Variants in XCL2 observed in about 807,000 individuals in gnomAD.
The protein encoded by XCL2 is cytokine SCM-1 beta.
A neutral mutation model predicts 7.2 loss-of-function variants in XCL2; 8 were observed. The observed-to-expected ratio is 1.10, with a 90% CI of 0.65 to 1.99. The LOEUF (loss-of-function observed/expected upper bound fraction) is 1.99. Ranked by LOEUF, XCL2 falls within the 30% of genes most tolerant of loss-of-function variation. The pLI is 0.00. For synonymous variants in XCL2, 46 were observed against 54.2 expected, an observed-to-expected ratio of 0.85 and a Z score of 0.67; for missense variants, 131 against 138.6, an observed-to-expected ratio of 0.94 and a Z score of 0.28.
At chr1:168,541,579 G>T (rs1654284432) in intron 2 of XCL2, among the ~76,000 whole-genome samples, 1 of 152,098 alleles carries the variant, frequency 6.6e-6, no homozygotes, top group Non-Finnish European at 1.5e-5. Flanking sequence ...GACCATGTAG[G>T]TTGTGCATTG....
Position 168,540,831 on chromosome 1 carries a change from A to G in XCL2, c.*121T>C. The stretch of plus-strand genomic sequence containing the variant: ...AATACAGAAGACATTTAAAAGTAAA[A>G]ATACAAAGGAATAATTTTATTCATG... On this transcript the variant is annotated 3_prime_UTR_variant, in exon 3 of 3. Transcript: ENST00000367819. The G allele has an allele frequency of 1.7e-6, 2 of 1,203,766 alleles. No homozygotes were observed. The highest frequency in any genetic ancestry group is 2.2e-6 in the Non-Finnish European group (2 of 892,658). 74.6% of individuals were successfully genotyped at this position (1,203,766 alleles called of 1,614,324 possible). A position where few individuals can be genotyped will look rare whatever the true frequency, so the allele number is the denominator to read the frequency against.
chr1:168,542,177 T>C (rs1654302253), intron 1 of XCL2, 70 bp from the exon 2 acceptor site: 1 of 1,320,298 alleles, frequency 7.6e-7, no homozygotes, highest in Admixed American at 2.5e-5. Flanking sequence ...AACAATCGTC[T>C]GTTAAATTAC....
At chr1:168,542,911 C>A (rs1168082807) in intron 1 of XCL2, 9 of 248,360 alleles carry the variant, frequency 3.6e-5, no homozygotes, top group Admixed American at 5.0e-5. Flanking sequence ...TGAAATGGCC[C>A]CGCTATATCT....
chr1:168,542,174 G>A (rs654630), intron 1 of XCL2, 67 bp from the exon 2 acceptor site: 259 of 1,335,758 alleles, frequency 1.9e-4, no homozygotes, highest in African/African-American at 1.4e-3. Context: ...AGGAACAATC[G>A]TCTGTTAAAT....
At chr1:168,541,166 G>C (rs1487315124) in intron 2 of XCL2, 46 bp from the exon 3 acceptor site, 1 of 1,604,848 alleles carries the variant, frequency 6.2e-7, no homozygotes, top group African/African-American at 1.3e-5. Flanking sequence ...CGTTCTCAAA[G>C]CCTCAGGGTC....
chr1:168,541,271 T>G, intron 2 of XCL2, 151 bp from the exon 3 acceptor site: 3 of 1,111,458 alleles, frequency 2.7e-6, no homozygotes, highest in Non-Finnish European at 3.8e-6. Context: ...ATGAGCACCC[T>G]TCTTCTGCCA....
At chr1:168,543,827 C>T (rs1290451362) in intron 1 of XCL2, 77 bp downstream of exon 1, 3 of 1,604,174 alleles carry the variant, frequency 1.9e-6, no homozygotes, top group African/African-American at 1.3e-5. Flanking sequence ...CCAGTCAAAA[C>T]CCGAGTCAAA....
chr1:168,541,689 A>G (rs1025458030), intron 2 of XCL2, among the ~76,000 whole-genome samples: 1 of 152,184 alleles, frequency 6.6e-6, no homozygotes, highest in Admixed American at 6.5e-5. Context: ...GGAAACCCTG[A>G]CATGAGCCAG....
At chr1:168,541,324 G>A (rs114579420) in intron 2 of XCL2, among the ~76,000 whole-genome samples, 3,745 of 152,148 alleles carry the variant, frequency 0.025, 64 homozygotes, top group African/African-American at 0.055. Flanking sequence ...GTAGTATCCA[G>A]CCCCTTTGTT....
At chr1:168,542,335 C>A (rs1654305043) in intron 1 of XCL2, among the ~76,000 whole-genome samples, 1 of 151,652 alleles carries the variant, frequency 6.6e-6, no homozygotes, top group Non-Finnish European at 1.5e-5. Context: ...TCAGGAATTT[C>A]ATGCTGAGAG....
chr1:168,541,709 A>T (rs1654287735), intron 2 of XCL2, among the ~76,000 whole-genome samples: 1 of 152,116 alleles, frequency 6.6e-6, no homozygotes, highest in East Asian at 1.9e-4. Context: ...GCCATCTCTA[A>T]ACCCAGATCT....
rs1458195153 is a variant in XCL2, at chr1:168,541,003, C to G, written c.294G>C (p.Lys98Asn). The G allele has an allele frequency of 3.7e-6, 6 of 1,613,574 alleles. No homozygotes were observed. The highest frequency in any genetic ancestry group is 5.1e-6 in the Non-Finnish European group (6 of 1,179,726). ...SNTRNNMIQTKPTGTQQSTNT... is the reference protein window; with the variant it reads ...SNTRNNMIQTNPTGTQQSTNT... ...TGGTCGATTGCTGGGTTCCTGTTGG[C>G]TTGGTCTGGATCATGTTATTTCTGG... The change falls in exon 3 of 3, where the codon AAG (lysine) becomes AAC (asparagine). Residue 98 changes from lysine (K) to asparagine (N), a missense_variant. Coordinates refer to ENST00000367819, the MANE Select transcript of XCL2 (RefSeq NM_003175.4).
At chr1:168,543,559 TTAAA>T (rs1654337408) in intron 1 of XCL2, among the ~76,000 whole-genome samples, 1 of 148,780 alleles carries the variant, frequency 6.7e-6, no homozygotes, top group South Asian at 2.2e-4. Context: ...TCTGATGTTA[TTAAA>T]TAAACCATAA....
Position 168,542,093 on chromosome 1 carries a change from CTT to C in XCL2, c.74_75del (p.Glu25GlyfsTer4), listed in dbSNP as rs758020940. The C allele has an allele frequency of 7.9e-6, 12 of 1,524,878 alleles. 1 individual carries two copies. The South Asian group carries it at 1.4e-4, about 17-fold the overall frequency. 94.5% of individuals were successfully genotyped at this position (1,524,878 alleles called of 1,614,324 possible). ...TAYIVEGVGS[E>X]VSHRRTCVSL... ...CTCACACAGGTCCTCCTATGTGAGACTTCACTCCCTACACCTGATGAGGAAAA... is the reference window on the plus strand; with the variant it reads ...CTCACACAGGTCCTCCTATGTGAGACCACTCCCTACACCTGATGAGGAAAA... On this transcript the variant is annotated frameshift_variant, in exon 2 of 3. Coordinates refer to ENST00000367819, the MANE Select transcript of XCL2 (RefSeq NM_003175.4). LOFTEE classifies it high-confidence loss of function.
In XCL2 at chr1:168,543,948, A is replaced by T; in HGVS notation, c.17T>A (p.Leu6Gln). Residue 6 changes from leucine to glutamine, a missense_variant, in exon 1 of 3, where the codon CTG becomes CAG. Physicochemically the swap from Leu to Gln is moderately radical, Grantham distance 113 (BLOSUM62 -2). Coordinates refer to ENST00000367819, the MANE Select transcript of XCL2 (RefSeq NM_003175.4). MRLLILALLGICSLTA... is the reference protein window; with the variant it reads MRLLIQALLGICSLTA... ...GAGAGAGCAGATGCCAAGGAGGGCC[A>T]GGATGAGAAGTCTCATGGCTGAGGT... 1 of 1,609,318 alleles carries T rather than the reference A, an allele frequency of 6.2e-7. No homozygotes were observed. The highest frequency in any genetic ancestry group is 8.5e-7 in the Non-Finnish European group (1 of 1,178,010).
rs1177960058 is a variant in XCL2, at chr1:168,540,983, G to A, written c.314C>T (p.Ser105Leu). ...IQTKPTGTQQ[S>L]TNTAVTLTG ...AGTCAGGGTCACAGCTGTATTGGTC[G>A]ATTGCTGGGTTCCTGTTGGCTTGGT... The change falls in exon 3 of 3, where the codon TCG (serine) becomes TTG (leucine). Residue 105 changes from serine (S) to leucine (L), a missense_variant. By Grantham distance (145) the Ser-to-Leu change is moderately radical. Transcript: ENST00000367819. 2.0e-5 allele frequency: 32 copies of A among 1,613,634 alleles called. No homozygotes were observed. The highest frequency in any genetic ancestry group is 2.5e-5 in the Non-Finnish European group (29 of 1,179,674).
rs924134058 is a variant in XCL2 at position 168,541,759 on chromosome 1, A to C, written c.176+234T>G. On this transcript the variant is annotated intron_variant, in intron 2 of 2. Coordinates refer to ENST00000367819, the MANE Select transcript of XCL2 (RefSeq NM_003175.4). ...GTATTCAACAGACTCTTCCACTAAG[A>C]CAAATAGAGGAGGACTTCTATTCTT... Among the ~76,000 whole-genome samples the C allele has an allele frequency of 1.2e-4, 19 of 152,296 alleles. 1 individual carries two copies. Among genetic ancestry groups the C allele is most frequent in the East Asian group, 7.7e-4 (4 of 5,176 alleles).
chr1:168,542,017 G>A lies in XCL2; in HGVS notation c.152C>T (p.Thr51Met), dbSNP rs754751363. The A allele has an allele frequency of 8.1e-6, 13 of 1,609,090 alleles. No individual in the cohort carries two copies. Among genetic ancestry groups the A allele is most frequent in the African/African-American group, 2.7e-5 (2 of 74,742 alleles). Residue 51 changes from threonine (T) to methionine (M), a missense_variant, in exon 2 of 3, where the codon ACG (threonine) becomes ATG (methionine). By Grantham distance (81) the Thr-to-Met change is moderately conservative. Coordinates refer to ENST00000367819, the MANE Select transcript of XCL2 (RefSeq NM_003175.4). ...PVSRIKTYTI[T>M]EGSLRAVIFI... ...CATTACTGCTCTCAAGGAGCCTTCC[G>A]TGATGGTGTAGGTCTTGATTCTGCT...
chr1:168,543,267 T>C (rs555967272), intron 1 of XCL2: 2 of 212,756 alleles, frequency 9.4e-6, no homozygotes, highest in African/African-American at 4.7e-5. Flanking sequence ...CGTCCTAAAA[T>C]GGGGGTCCCT....
Sources: gnomAD v4.1 joint callset for allele counts (sites outside exome capture counted in the v4.1 genomes callset) on GRCh38, gnomAD v4.1.1 for gene constraint, MANE v1.5 for transcripts, NCBI Gene and HGNC (gene_info 2026-07-23, HGNC 2026-07-21) for gene names.